The following CDK12 variants were observed in gnomAD, a reference collection of about 807,000 sequenced individuals.
CDK12 encodes cyclin dependent kinase 12.
Under a neutral mutation model 133.8 loss-of-function variants are expected in CDK12, and 17 were observed. That is an observed-to-expected ratio of 0.13 (90% CI 0.09 to 0.19). The LOEUF (loss-of-function observed/expected upper bound fraction) is 0.19, where lower values mean the gene tolerates loss of function less well. Among genes scored for constraint, CDK12 ranks in the 10% least tolerant of loss-of-function variants. The probability of loss-of-function intolerance (pLI) is 1.00; values close to 1 mark genes in which losing one functional copy is unlikely to be tolerated. For missense variants in CDK12, 1,508 were observed against 1,818.7 expected, an observed-to-expected ratio of 0.83 and a Z score of 3.11; for synonymous variants, 694 against 683.6, an observed-to-expected ratio of 1.02 and a Z score of -0.24.
chr17:39,492,083 G>A (rs1307075927), intron 3 of CDK12, among the ~76,000 whole-genome samples: 5 of 146,772 alleles, frequency 3.4e-5, no homozygotes, highest in African/African-American at 1.2e-4. Context: ...TCTTTGACTC[G>A]ATTTCATTTT....
rs757938934 is a variant in CDK12 at position 39,531,220 on chromosome 17, G to C, written c.4377G>C (p.Trp1459Cys). The C allele has an allele frequency of 2.0e-6, 3 of 1,516,748 alleles. No individual in the cohort carries two copies. The highest frequency in any genetic ancestry group is 2.6e-6 in the Non-Finnish European group (3 of 1,134,640). 94.0% of individuals were successfully genotyped at this position (1,516,748 alleles called of 1,614,324 possible). A position where few individuals can be genotyped will look rare whatever the true frequency, so the allele number is the denominator to read the frequency against. Residue 1459 changes from tryptophan (W) to cysteine (C), a missense_variant, in exon 14 of 14, where the codon TGG becomes TGC. Physicochemically the swap from Trp to Cys is radical, Grantham distance 215. Around this residue, in one of 9 missense-constraint regions of CDK12, gnomAD observed 114 missense variants for 101.2 expected, o/e 1.13. Coordinates refer to ENST00000447079, the MANE Select transcript of CDK12 (RefSeq NM_016507.4). ...GASSSGAGLH[W>C]GGPTQSSAYG... ...GCAGCTCAGGAGCAGGCCTTCACTGGGGGGGCCCAACTCAGTCTTCTGCTT... is the reference window on the plus strand; with the variant it reads ...GCAGCTCAGGAGCAGGCCTTCACTGCGGGGGCCCAACTCAGTCTTCTGCTT...
Position 39,490,682 on chromosome 17 carries a change from C to A in CDK12, c.2057C>A (p.Pro686Gln). The A allele has an allele frequency of 6.2e-7, 1 of 1,613,710 alleles. No homozygotes were observed. The highest frequency in any genetic ancestry group is 1.1e-5 in the South Asian group (1 of 91,054). ...GGAGATCTGTCTCCCCCAGACTCTC[C>A]AGAACCAAAGGCAATCACACCACCT... is the stretch of plus-strand genomic sequence containing the variant. Reference protein sequence around the residue: ...PGGDLSPPDSPEPKAITPPQQ... With the variant: ...PGGDLSPPDSQEPKAITPPQQ... The change falls in exon 3 of 14, where the codon CCA becomes CAA. Residue 686 changes from proline to glutamine, a missense_variant. Pro to Gln is a moderately conservative substitution (Grantham distance 76, BLOSUM62 -1). This residue lies in a region of CDK12 where 347 missense variants were observed against 330.8 expected (regional missense o/e 1.05). Transcript: ENST00000447079.
chr17:39,486,034 CCTCT>C (rs1170610428), intron 2 of CDK12, among the ~76,000 whole-genome samples: 1 of 150,724 alleles, frequency 6.6e-6, no homozygotes, highest in Admixed American at 6.7e-5. Context: ...CTCACTGCAA[CCTCT>C]GCCTCCTGGG....
chr17:39,516,134 G>A (rs1374711265), intron 9 of CDK12, among the ~76,000 whole-genome samples: 2 of 152,116 alleles, frequency 1.3e-5, no homozygotes, highest in Admixed American at 6.5e-5. Flanking sequence ...TTATACAACA[G>A]ATTACTTTTA....
chr17:39,480,425 A>G (rs1269070102), intron 2 of CDK12, among the ~76,000 whole-genome samples: 1 of 151,754 alleles, frequency 6.6e-6, no homozygotes, highest in Non-Finnish European at 1.5e-5. Context: ...ATGTACCACC[A>G]TGCCCAGCTA....
chr17:39,491,093 A>G (rs117362920), intron 3 of CDK12, among the ~76,000 whole-genome samples: 3 of 152,178 alleles, frequency 2.0e-5, no homozygotes, highest in East Asian at 3.8e-4. Context: ...ATTAATAGAT[A>G]TGGGATTTTT....
intron 1 of CDK12, among the ~76,000 whole-genome samples, chr17:39,463,781 C>A (rs763178569): frequency 6.6e-6 from 1 of 151,748 alleles, no homozygotes; most frequent in Non-Finnish European, 1.5e-5. Flanking sequence ...TGACCGCTGA[C>A]AATTTTCAAA....
chr17:39,536,422 T>C (rs2055137597), downstream of CDK12, among the ~76,000 whole-genome samples: 1 of 152,214 alleles, frequency 6.6e-6, no homozygotes, highest in African/African-American at 2.4e-5. Flanking sequence ...CTAGGAGCTA[T>C]GAAAGGAGCT....
chr17:39,488,364 T>C (rs1319988994), intron 2 of CDK12, among the ~76,000 whole-genome samples: 1 of 152,190 alleles, frequency 6.6e-6, no homozygotes, highest in African/African-American at 2.4e-5. Context: ...GCCTTAATAA[T>C]TCTGAAATAG....
intron 3 of CDK12, among the ~76,000 whole-genome samples, chr17:39,563,680 C>G (rs2056470693): frequency 6.6e-6 from 1 of 152,038 alleles, no homozygotes; most frequent in Admixed American, 6.5e-5. Flanking sequence ...GCACCGCCTG[C>G]GGAAAGAGCG....
chr17:39,517,204 C>T (rs1872081252), intron 9 of CDK12, among the ~76,000 whole-genome samples: 1 of 152,100 alleles, frequency 6.6e-6, no homozygotes, highest in Non-Finnish European at 1.5e-5. Flanking sequence ...TAATGTGGAT[C>T]ATTTAGGATT....
At chr17:39,486,614 T>C (rs1255890169) in intron 2 of CDK12, among the ~76,000 whole-genome samples, 2 of 152,124 alleles carry the variant, frequency 1.3e-5, no homozygotes, top group African/African-American at 4.8e-5. Context: ...GAAATCTGTT[T>C]TGAATAATGA....
rs2054109739 is a variant in CDK12, at chr17:39,520,688, G to GTTT, written c.3095+604_3095+606dup. On this transcript the variant is annotated intron_variant, in intron 11 of 13. Coordinates refer to ENST00000447079, the MANE Select transcript of CDK12 (RefSeq NM_016507.4). ...AGGCGTAAGCCACTGCGTCCAGCGT[G>GTTT]TTTTTGTTGTTGTTGTTGTTGTTGT... Among the ~76,000 whole-genome samples the GTTT allele has an allele frequency of 7.6e-5, 8 of 105,864 alleles. No individual in the cohort carries two copies. In the South Asian group the frequency reaches 4.5e-3, roughly 60 times the overall value. The allele number at this position is 105,864 out of a possible 152,430, so 69.5% of individuals were successfully genotyped here.
chr17:39,497,257 A>T (rs1749349529), intron 5 of CDK12, among the ~76,000 whole-genome samples: 1 of 152,052 alleles, frequency 6.6e-6, no homozygotes, highest in Admixed American at 6.6e-5. Flanking sequence ...AAAAATTGTC[A>T]TCTGGGCTAG....
chr17:39,522,820 A>T (rs1293797585), intron 11 of CDK12, among the ~76,000 whole-genome samples: 1 of 151,996 alleles, frequency 6.6e-6, no homozygotes, highest in Non-Finnish European at 1.5e-5. Flanking sequence ...TGGGAGGCCG[A>T]GGTGGATGGA....
downstream of CDK12, among the ~76,000 whole-genome samples, chr17:39,539,276 G>A (rs187865297): frequency 2.9e-3 from 434 of 152,244 alleles, 1 homozygote; most frequent in South Asian, 0.019. Flanking sequence ...AAACAAAATG[G>A]AGCTTCTCAT....
intron 11 of CDK12, 89 bp from the exon 12 acceptor site, chr17:39,524,585 C>G (rs1021803644): frequency 8.7e-7 from 1 of 1,153,934 alleles, no homozygotes; most frequent in African/African-American, 1.5e-5. Context: ...TTCCCACAGT[C>G]TTTGCCTTCC....
At chr17:39,527,665 A>G (rs2054574038) in intron 13 of CDK12, among the ~76,000 whole-genome samples, 1 of 152,026 alleles carries the variant, frequency 6.6e-6, no homozygotes, top group Non-Finnish European at 1.5e-5. Context: ...CTCCTGCCTC[A>G]GCCTCCTGAG....
At chr17:39,505,077 A>G (rs2053011777) in intron 6 of CDK12, among the ~76,000 whole-genome samples, 1 of 151,154 alleles carries the variant, frequency 6.6e-6, no homozygotes, top group Admixed American at 6.6e-5. Flanking sequence ...AAAATACAAA[A>G]AATTAGCTGG....
Sources: allele counts gnomAD v4.1 joint callset (sites outside exome capture counted in the v4.1 genomes callset), GRCh38; gene constraint gnomAD v4.1.1; regional missense constraint gnomAD v4.1.1; transcripts MANE v1.5; gene names NCBI Gene and HGNC (gene_info 2026-07-23, HGNC 2026-07-21).